Variants in TRMT44 observed in about 807,000 individuals in gnomAD.
TRMT44 encodes probable tRNA (uracil-O(2)-)-methyltransferase.
In TRMT44, 78 loss-of-function variants were observed where a neutral mutation model predicts 77.3. The observed-to-expected ratio is 1.01, with a 90% CI of 0.84 to 1.22. The LOEUF is 1.22. Among genes scored for constraint, TRMT44 ranks in the 50% most tolerant of loss-of-function variants. The pLI, the probability that TRMT44 is intolerant of heterozygous loss-of-function variation, is 0.00. For missense variants in TRMT44, 1,090 were observed against 964.4 expected (o/e 1.13, Z -1.73); for synonymous variants, 391 against 383.3 (o/e 1.02, Z -0.23).
At position 8,482,599 on chromosome 4, in the gene TRMT44, G is replaced by C. The variant is rs559227688; in HGVS notation, n.3891+3066G>C. 3.3e-5 allele frequency among the ~76,000 whole-genome samples: 5 copies of C among 152,150 alleles called. No individual in the cohort carries two copies. In the East Asian group the frequency reaches 7.7e-4, roughly 23 times the overall value. The stretch of plus-strand genomic sequence containing the variant: ...TCTCTGGCGGGCAGGAGTGGGGGTC[G>C]CAAGGTGCTCAGTGGAGGTGCTTTT... On this transcript the variant is annotated intron_variant and non_coding_transcript_variant, in intron 2 of 2. Coordinates refer to the TRMT44 transcript ENST00000511366.
chr4:8,449,642 T>C, intron 2 of TRMT44, 27 bp from the exon 3 acceptor site: 1 of 1,451,884 alleles, frequency 6.9e-7, no homozygotes, highest in Non-Finnish European at 9.3e-7. Flanking sequence ...ATATCTGTGC[T>C]TATTCATATT....
chr4:8,465,626 TGCCACAGAG>T, intron 8 of TRMT44, 65 bp downstream of exon 8: 1 of 1,408,142 alleles, frequency 7.1e-7, no homozygotes, highest in Non-Finnish European at 9.8e-7. Flanking sequence ...CTCAGGGCTC[TGCCACAGAG>T]CCATGAACCA....
At position 8,447,383 on chromosome 4, in the gene TRMT44, C is replaced by T. The variant is rs895622738; in HGVS notation, c.734+793C>T. On this transcript the variant is annotated intron_variant, in intron 2 of 10. Coordinates refer to ENST00000389737, the MANE Select transcript of TRMT44 (RefSeq NM_152544.3). ...AAGTCAGAGGAGGGGTGAATTCATT[C>T]ATGACTTGTCAGCTGATATTTTCCT... Among the ~76,000 whole-genome samples the T allele has an allele frequency of 4.6e-5, 7 of 152,244 alleles. No homozygotes were observed. The South Asian group carries it at 1.0e-3, about 22-fold the overall frequency.
intron 2 of TRMT44, among the ~76,000 whole-genome samples, chr4:8,448,548 C>T (rs1051412530): frequency 3.9e-5 from 6 of 152,348 alleles, no homozygotes; most frequent in African/African-American, 1.4e-4. Context: ...CAGGGAAGAG[C>T]GAGGAACGCC....
At chr4:8,484,740 CT>C (rs1212856774) in intron 2 of TRMT44, among the ~76,000 whole-genome samples, 1 of 152,040 alleles carries the variant, frequency 6.6e-6, no homozygotes, top group East Asian at 1.9e-4. Flanking sequence ...ACTAGGTTTC[CT>C]TTTGTGAGTT....
chr4:8,494,158 G>T (rs1352371223), downstream of TRMT44, among the ~76,000 whole-genome samples: 1 of 151,638 alleles, frequency 6.6e-6, no homozygotes, highest in Non-Finnish European at 1.5e-5. Flanking sequence ...GTCAAGCTGG[G>T]AACTACATTA....
chr4:8,458,257 T>TA lies in TRMT44; in HGVS notation c.1203+3445dup, dbSNP rs139763596. Among the ~76,000 whole-genome samples, 132 of 152,286 alleles carry TA rather than the reference T, an allele frequency of 8.7e-4. 1 individual carries two copies. The highest frequency in any genetic ancestry group is 3.1e-3 in the African/African-American group (130 of 41,560). The stretch of plus-strand genomic sequence containing the variant: ...GAAATTATGATGTATTTCATGAAGT[T>TA]ACACTGAATGTGCCTGCCTCTCCTG... On this transcript the variant is annotated intron_variant, in intron 6 of 10. Coordinates refer to ENST00000389737, the MANE Select transcript of TRMT44 (RefSeq NM_152544.3).
downstream of TRMT44, among the ~76,000 whole-genome samples, chr4:8,498,475 A>T (rs1198939963): frequency 6.6e-6 from 1 of 152,158 alleles, no homozygotes; most frequent in Non-Finnish European, 1.5e-5. The surrounding 1 kb of genome is among the most constrained non-coding windows in gnomAD (Gnocchi z 4.3). Flanking sequence ...GCCTCAGGAG[A>T]CTTACAATCA....
downstream of TRMT44, among the ~76,000 whole-genome samples, chr4:8,497,714 C>G (rs186836481): frequency 5.6e-4 from 85 of 152,326 alleles, no homozygotes; most frequent in African/African-American, 2.0e-3. Context: ...AGATGTGAGT[C>G]CACTGAGCTG....
intron 2 of TRMT44, among the ~76,000 whole-genome samples, chr4:8,490,843 G>T (rs1727979020): frequency 6.6e-6 from 1 of 152,190 alleles, no homozygotes; most frequent in African/African-American, 2.4e-5. Flanking sequence ...CAAGTGGTCT[G>T]TTTTGACAGG....
At chr4:8,508,355 CG>C in the TRMT44 span, among the ~76,000 whole-genome samples, 5 of 152,284 alleles carry the variant, frequency 3.3e-5, no homozygotes, top group South Asian at 1.0e-3. Flanking sequence ...GTTGGCCTGC[CG>C]GGCCCTGAGG....
Position 8,446,722 on chromosome 4 carries a change from G to C in TRMT44, c.734+132G>C. ...GGTTATGGTTTGTAGGAATGCAGTT[G>C]CTAGCTTATGTGCCCAGGCCATGTT... On this transcript the variant is annotated intron_variant, in intron 2 of 10. Transcript: ENST00000389737. The surrounding 1 kb of genome is among the most constrained non-coding windows in gnomAD (Gnocchi z 4.3). 1.6e-6 allele frequency: 1 copy of C among 607,780 alleles called. No individual in the cohort carries two copies. The highest frequency in any genetic ancestry group is 2.2e-5 in the South Asian group (1 of 46,474). 37.6% of individuals were successfully genotyped at this position (607,780 alleles called of 1,614,324 possible).
chr4:8,462,661 C>T (rs1309285500), intron 6 of TRMT44, among the ~76,000 whole-genome samples: 5 of 152,150 alleles, frequency 3.3e-5, no homozygotes, highest in African/African-American at 7.2e-5. Context: ...GCCGAGATCG[C>T]GCCACTGCAC....
At chr4:8,484,201 G>T (rs1432428749) in intron 2 of TRMT44, among the ~76,000 whole-genome samples, 1 of 152,160 alleles carries the variant, frequency 6.6e-6, no homozygotes, top group Non-Finnish European at 1.5e-5. Context: ...AGAAGGAAAT[G>T]TGGGGAAATG....
chr4:8,458,396 G>A (rs988976431), intron 6 of TRMT44, among the ~76,000 whole-genome samples: 1 of 151,586 alleles, frequency 6.6e-6, no homozygotes, highest in Admixed American at 6.6e-5. Context: ...GAAGATCTTT[G>A]TGATGGTCGG....
At chr4:8,454,567 C>T in intron 5 of TRMT44, 175 bp from the exon 6 acceptor site, 2 of 609,840 alleles carry the variant, frequency 3.3e-6, no homozygotes, top group Non-Finnish European at 2.9e-6. Context: ...CATCGTATCA[C>T]AGGGTAATGG....
At position 8,451,915 on chromosome 4, in the gene TRMT44, G is replaced by A. The variant is rs928171432; in HGVS notation, c.955-45G>A. The stretch of plus-strand genomic sequence containing the variant: ...ATACTTAAAGTATTGGGAAATGGTG[G>A]TGGGGAAACCGAACAATTTATGTTT... On this transcript the variant is annotated intron_variant, in intron 3 of 10. Coordinates refer to ENST00000389737, the MANE Select transcript of TRMT44 (RefSeq NM_152544.3). This position sits in a 1 kb window ranked among gnomAD's most constrained non-coding sequence, Gnocchi z 4.1. 2.7e-6 allele frequency: 4 copies of A among 1,505,376 alleles called. No individual in the cohort carries two copies. The highest frequency in any genetic ancestry group is 3.9e-5 in the Admixed American group (2 of 50,936). The allele number at this position is 1,505,376 out of a possible 1,614,324, so 93.3% of individuals were successfully genotyped here. A position where few individuals can be genotyped will look rare whatever the true frequency, so the allele number is the denominator to read the frequency against.
chr4:8,508,014 C>G, the TRMT44 span, among the ~76,000 whole-genome samples: 1 of 152,248 alleles, frequency 6.6e-6, no homozygotes, highest in South Asian at 2.1e-4. Context: ...TCAAGTGATT[C>G]TCCTGCCTCA....
At chr4:8,449,944 CTTTTCTTTTTTT>C in intron 3 of TRMT44, 56 bp downstream of exon 3, 1 of 376,674 alleles carries the variant, frequency 2.7e-6, no homozygotes, top group African/African-American at 4.6e-5. Context: ...CTTTTCTTTT[CTTTTCTTTTTTT>C]TTTTTTTTTT....
Sources: gnomAD v4.1 joint callset for allele counts (sites outside exome capture counted in the v4.1 genomes callset) on GRCh38, gnomAD v4.1.1 for gene constraint, Gnocchi (gnomAD v3.1) non-coding constraint, MANE v1.5 for transcripts, NCBI Gene and HGNC (gene_info 2026-07-23, HGNC 2026-07-21) for gene names.